Variants in CRPPA observed in about 807,000 individuals in gnomAD.
CRPPA encodes D-ribitol-5-phosphate cytidylyltransferase.
In CRPPA, 43 loss-of-function variants were observed where a neutral mutation model predicts 52.0. The ratio of observed to expected loss-of-function variants is 0.83; its 90% CI spans 0.65 to 1.07. The LOEUF is 1.07. CRPPA is among the 50% of genes least tolerant of loss of function. CRPPA has a pLI of 0.00. For missense variants in CRPPA, 629 were observed against 551.7 expected, an observed-to-expected ratio of 1.14 and a Z score of -1.40; for synonymous variants, 250 against 203.5, an observed-to-expected ratio of 1.23 and a Z score of -1.94.
At chr7:16,200,991 A>G (rs1196326929) in intron 9 of CRPPA, among the ~76,000 whole-genome samples, 1 of 152,056 alleles carries the variant, frequency 6.6e-6, no homozygotes, top group African/African-American at 2.4e-5. Flanking sequence ...AATATTTTTG[A>G]GCTATGTCTA....
intron 8 of CRPPA, among the ~76,000 whole-genome samples, chr7:16,241,971 T>TGGGGG (rs1284124770): frequency 1.2e-5 from 1 of 86,162 alleles, no homozygotes; most frequent in Non-Finnish European, 2.5e-5. Context: ...TTTTTTTTGT[T>TGGGGG]GGGGGGAGAT....
At chr7:16,385,833 C>T (rs576359056) in intron 2 of CRPPA, among the ~76,000 whole-genome samples, 3 of 152,204 alleles carry the variant, frequency 2.0e-5, no homozygotes, top group South Asian at 2.1e-4. Flanking sequence ...GGCTGCCATA[C>T]ACTCAAACCC....
At chr7:16,149,516 A>C (rs911764219) in intron 9 of CRPPA, among the ~76,000 whole-genome samples, 2 of 152,204 alleles carry the variant, frequency 1.3e-5, no homozygotes, top group Non-Finnish European at 2.9e-5. Context: ...CATTGGAAAC[A>C]TGAGGAAATG....
At chr7:16,106,511 C>A (rs986178116) in intron 9 of CRPPA, among the ~76,000 whole-genome samples, 1 of 152,138 alleles carries the variant, frequency 6.6e-6, no homozygotes, top group Non-Finnish European at 1.5e-5. Flanking sequence ...ACCAGTAGCC[C>A]CACCTGACAT....
intron 8 of CRPPA, among the ~76,000 whole-genome samples, chr7:16,249,462 C>T (rs1180593787): frequency 1.3e-5 from 2 of 152,204 alleles, no homozygotes; most frequent in Non-Finnish European, 2.9e-5. Flanking sequence ...GGCTGATGGA[C>T]ATCTCATACA....
chr7:16,286,068 T>C (rs1784433968), intron 5 of CRPPA, among the ~76,000 whole-genome samples: 1 of 24,066 alleles, frequency 4.2e-5, no homozygotes. Context: ...TATATATATA[T>C]ATATATATAT....
At chr7:16,328,163 A>G (rs1412040402) in intron 3 of CRPPA, among the ~76,000 whole-genome samples, 1 of 152,172 alleles carries the variant, frequency 6.6e-6, no homozygotes, top group Non-Finnish European at 1.5e-5. Context: ...TGATTTGTCC[A>G]GGATACTTAA....
intron 2 of CRPPA, among the ~76,000 whole-genome samples, chr7:16,388,074 C>T (rs1180011340): frequency 6.6e-6 from 1 of 152,136 alleles, no homozygotes; most frequent in African/African-American, 2.4e-5. Flanking sequence ...GCTTCAGCCT[C>T]CTGGGCTCAA....
intron 9 of CRPPA, among the ~76,000 whole-genome samples, chr7:16,171,999 C>A (rs552169382): frequency 1.3e-5 from 2 of 152,270 alleles, no homozygotes; most frequent in South Asian, 4.1e-4. Flanking sequence ...TATTTTTCCT[C>A]ATTTTCTATT....
At chr7:16,134,445 A>C (rs1251989319) in intron 9 of CRPPA, among the ~76,000 whole-genome samples, 1 of 151,608 alleles carries the variant, frequency 6.6e-6, no homozygotes, top group Non-Finnish European at 1.5e-5. Flanking sequence ...GTCTTCCATG[A>C]AACTGGTCCC....
intron 8 of CRPPA, among the ~76,000 whole-genome samples, chr7:16,220,124 C>T (rs1454255564): frequency 1.1e-5 from 1 of 94,388 alleles, no homozygotes; most frequent in African/African-American, 4.0e-5. Context: ...CCCTGGGATG[C>T]AAGGCTGGTT....
At chr7:16,288,845 CA>C (rs71007760) in intron 5 of CRPPA, among the ~76,000 whole-genome samples, 135 of 34,832 alleles carry the variant, frequency 3.9e-3, no homozygotes, top group South Asian at 0.013. Context: ...GACTCTGCCT[CA>C]AAAAAAAAAA....
intron 9 of CRPPA, among the ~76,000 whole-genome samples, chr7:16,165,627 A>T (rs1294724792): frequency 6.6e-6 from 1 of 152,250 alleles, no homozygotes; most frequent in Non-Finnish European, 1.5e-5. Context: ...GATGGAACCC[A>T]CATGCAAATG....
chr7:16,275,459 A>T (rs1000924600), intron 6 of CRPPA, among the ~76,000 whole-genome samples: 1 of 152,218 alleles, frequency 6.6e-6, no homozygotes, highest in African/African-American at 2.4e-5. Flanking sequence ...GAGAAAGTAC[A>T]GGCAAAGGAC....
intron 2 of CRPPA, among the ~76,000 whole-genome samples, chr7:16,384,298 A>G (rs1583565976): frequency 1.3e-5 from 2 of 152,334 alleles, no homozygotes; most frequent in African/African-American, 4.8e-5. Context: ...TGTACTCTCA[A>G]AAGAGATCAT....
chr7:16,306,662 T>A (rs1229354942), intron 4 of CRPPA, among the ~76,000 whole-genome samples: 1 of 152,144 alleles, frequency 6.6e-6, no homozygotes. Flanking sequence ...GTTTCCGCCT[T>A]TTTTCTTGGT....
chr7:16,273,854 G>A (rs914817522), intron 6 of CRPPA, among the ~76,000 whole-genome samples: 3 of 152,096 alleles, frequency 2.0e-5, no homozygotes, highest in Admixed American at 6.5e-5. Context: ...TCCTGCCATC[G>A]CGCCCAGAAG....
chr7:16,107,692 T>C (rs1428212020), intron 9 of CRPPA, among the ~76,000 whole-genome samples: 1 of 151,994 alleles, frequency 6.6e-6, no homozygotes, highest in Admixed American at 6.6e-5. Context: ...ATCAATTGTA[T>C]AAGTAAAACA....
chr7:16,172,616 T>G (rs1781212533), intron 9 of CRPPA, among the ~76,000 whole-genome samples: 1 of 152,186 alleles, frequency 6.6e-6, no homozygotes, highest in South Asian at 2.1e-4. Flanking sequence ...GGCGTGCTTT[T>G]CATAAATTAT....
Sources: gnomAD v4.1 joint callset for allele counts (sites outside exome capture counted in the v4.1 genomes callset) on GRCh38, gnomAD v4.1.1 for gene constraint, MANE v1.5 for transcripts, NCBI Gene and HGNC (gene_info 2026-07-23, HGNC 2026-07-21) for gene names.